Variants in UNKL observed in about 807,000 individuals in gnomAD.
UNKL encodes unk like zinc finger, also known as putative E3 ubiquitin-protein ligase UNKL.
Under a neutral mutation model 78.0 loss-of-function variants are expected in UNKL, and 60 were observed. The observed-to-expected ratio is 0.77, with a 90% CI of 0.63 to 0.95. The LOEUF (loss-of-function observed/expected upper bound fraction) is 0.95, where lower values mean the gene tolerates loss of function less well. Ranked by LOEUF, UNKL falls within the 40% of genes least tolerant of loss-of-function variation. UNKL has a pLI of 0.00. For missense variants in UNKL, 1,159 were observed against 1,045.7 expected (o/e 1.11, Z -1.49); for synonymous variants, 608 against 474.8 (o/e 1.28, Z -3.65).
chr16:1,409,157 C>T (rs1327663144), intron 2 of UNKL, among the ~76,000 whole-genome samples: 1 of 152,162 alleles, frequency 6.6e-6, no homozygotes, highest in Non-Finnish European at 1.5e-5. Flanking sequence ...CGTGATCTGC[C>T]CGCCTCGGCC....
At chr16:1,368,980 C>G (rs1431123592) in intron 12 of UNKL, among the ~76,000 whole-genome samples, 2 of 151,316 alleles carry the variant, frequency 1.3e-5, no homozygotes, top group Non-Finnish European at 2.9e-5. Context: ...CCCCTGGCCT[C>G]AAGTGACCAC....
intron 10 of UNKL, among the ~76,000 whole-genome samples, chr16:1,376,022 T>C (rs1270902658): frequency 6.6e-6 from 1 of 152,152 alleles, no homozygotes; most frequent in African/African-American, 2.4e-5. Context: ...CTTGGACAGG[T>C]GGCTCCAAGG....
At chr16:1,388,684 A>G (rs907669112) in intron 9 of UNKL, among the ~76,000 whole-genome samples, 1 of 152,084 alleles carries the variant, frequency 6.6e-6, no homozygotes, top group Non-Finnish European at 1.5e-5. Flanking sequence ...GGGCACAGTG[A>G]GAGGGGTCAG....
intron 13 of UNKL, 129 bp from the exon 14 acceptor site, chr16:1,367,478 C>T: frequency 1.8e-6 from 2 of 1,119,614 alleles, no homozygotes; most frequent in South Asian, 3.3e-5. Flanking sequence ...CCTGAGACCC[C>T]TGCGGCCCTC....
chr16:1,368,555 T>C (rs974586374), intron 12 of UNKL, among the ~76,000 whole-genome samples: 4 of 137,150 alleles, frequency 2.9e-5, no homozygotes, highest in East Asian at 4.2e-4. Flanking sequence ...TGAGCCGAGA[T>C]TGCGCCACTG....
At chr16:1,366,544 G>A in intron 14 of UNKL, 149 bp from the exon 15 acceptor site, 1 of 1,042,224 alleles carries the variant, frequency 9.6e-7, no homozygotes, top group Non-Finnish European at 1.3e-6. Flanking sequence ...CCCCAGCCAG[G>A]GCCACCTCAG....
chr16:1,375,455 G>A (rs886567991), intron 10 of UNKL, among the ~76,000 whole-genome samples: 9 of 152,212 alleles, frequency 5.9e-5, no homozygotes, highest in African/African-American at 2.2e-4. Flanking sequence ...GGGGCGTGGA[G>A]GCCGGGCTGT....
intron 11 of UNKL, 113 bp from the exon 12 acceptor site, chr16:1,370,470 T>A: frequency 1.9e-6 from 2 of 1,026,292 alleles, no homozygotes; most frequent in Non-Finnish European, 2.7e-6. Flanking sequence ...GGTGGGGATA[T>A]GGGGGGTGGG....
rs112311759 is a variant in UNKL, at chr16:1,384,300, G to A, written c.1264+908C>T. Among the ~76,000 whole-genome samples, 255 of 151,826 alleles carry A rather than the reference G, an allele frequency of 1.7e-3. 3 individuals are homozygous for A. Among genetic ancestry groups the A allele is most frequent in the African/African-American group, 5.3e-3 (220 of 41,404 alleles). On this transcript the variant is annotated intron_variant, in intron 10 of 14. Transcript: ENST00000389221. Reference sequence around the variant, plus strand: ...CGGCCTTTCCCCAGGGGCTGAAAGGGACCAAGGACACACACAGCCCAGCTC... The same window carrying A: ...CGGCCTTTCCCCAGGGGCTGAAAGGAACCAAGGACACACACAGCCCAGCTC...
chr16:1,385,497 G>A, intron 9 of UNKL, 112 bp from the exon 10 acceptor site: 2 of 1,144,126 alleles, frequency 1.7e-6, no homozygotes, highest in Non-Finnish European at 2.2e-6. Context: ...CTACGCCCTG[G>A]CGAGGCCCAG....
Position 1,397,243 on chromosome 16 carries a change from G to T in UNKL, c.787C>A (p.Arg263Ser). 1.3e-6 allele frequency: 2 copies of T among 1,543,118 alleles called. No individual in the cohort carries two copies. The highest frequency in any genetic ancestry group is 4.9e-5 in the East Asian group (2 of 40,920). Reference sequence around the variant, plus strand: ...TGGCAGCCGTCGCCGCCATCGCAGCGTGAGGGTTCCCCCCACTCATCCCCG... The same window carrying T: ...TGGCAGCCGTCGCCGCCATCGCAGCTTGAGGGTTCCCCCCACTCATCCCCG... ...KHGDEWGEPS[R>S]CDGGDGCQYC... The change falls in exon 6 of 15, where the codon CGC (arginine) becomes AGC (serine). Residue 263 changes from arginine to serine, a missense_variant. Arg to Ser is a moderately radical substitution (Grantham distance 110). Transcript: ENST00000389221.
intron 12 of UNKL, among the ~76,000 whole-genome samples, chr16:1,369,481 T>C (rs1318393758): frequency 6.6e-6 from 1 of 152,012 alleles, no homozygotes; most frequent in East Asian, 1.9e-4. Flanking sequence ...GCAATTCTCC[T>C]GCCTCAGCCT....
At chr16:1,382,071 C>A (rs1034268876) in intron 10 of UNKL, among the ~76,000 whole-genome samples, 1 of 152,238 alleles carries the variant, frequency 6.6e-6, no homozygotes, top group African/African-American at 2.4e-5. Context: ...ATATTCAACT[C>A]ATGAGACCTC....
chr16:1,366,905 A>AGG (rs372103430), intron 14 of UNKL, among the ~76,000 whole-genome samples, 187 bp downstream of exon 14: 3 of 152,084 alleles, frequency 2.0e-5, no homozygotes, highest in Non-Finnish European at 4.4e-5. Flanking sequence ...GGCGGCTCCC[A>AGG]GGGAGACAGG....
chr16:1,403,452 C>A lies in UNKL; in HGVS notation c.288-108G>T. 7.7e-7 allele frequency: 1 copy of A among 1,302,160 alleles called. No individual in the cohort carries two copies. The highest frequency in any genetic ancestry group is 1.0e-6 in the Non-Finnish European group (1 of 954,228). The allele number at this position is 1,302,160 out of a possible 1,614,324, so 80.7% of individuals were successfully genotyped here. On this transcript the variant is annotated intron_variant, in intron 2 of 14. Coordinates refer to ENST00000389221, the MANE Select transcript of UNKL (RefSeq NM_001372107.1). This position sits in a 1 kb window ranked among gnomAD's most constrained non-coding sequence, Gnocchi z 4.8. ...CACGTGGCAAGCAGTGAATTCCCTTCCCTTCTTCCAGATTCCTGTTCTAAT... is the reference window on the plus strand; with the variant it reads ...CACGTGGCAAGCAGTGAATTCCCTTACCTTCTTCCAGATTCCTGTTCTAAT...
intron 2 of UNKL, chr16:1,412,277 AAATC>A (rs1438504073): frequency 1.3e-5 from 2 of 152,252 alleles, no homozygotes; most frequent in African/African-American, 4.8e-5. Context: ...AAAAAGAAAA[AAATC>A]AACCAAAACA....
At chr16:1,410,633 G>T (rs2037998282) in intron 2 of UNKL, among the ~76,000 whole-genome samples, 1 of 152,130 alleles carries the variant, frequency 6.6e-6, no homozygotes, top group South Asian at 2.1e-4. Flanking sequence ...ACTGGAGTGG[G>T]GTCAGACAGG....
chr16:1,366,836 G>C (rs1280599922), intron 14 of UNKL, among the ~76,000 whole-genome samples: 1 of 150,944 alleles, frequency 6.6e-6, no homozygotes, highest in East Asian at 1.9e-4. Context: ...ACGGGGAGCA[G>C]TGTGGCATTC....
At chr16:1,374,289 TG>T (rs2142000937) in intron 10 of UNKL, among the ~76,000 whole-genome samples, 1 of 152,292 alleles carries the variant, frequency 6.6e-6, no homozygotes, top group South Asian at 2.1e-4. Context: ...GGGTCTCTCC[TG>T]GGGGGCCCTG....
Sources: allele counts gnomAD v4.1 joint callset (sites outside exome capture counted in the v4.1 genomes callset), GRCh38; gene constraint gnomAD v4.1.1; non-coding constraint Gnocchi (gnomAD v3.1); transcripts MANE v1.5; gene names NCBI Gene and HGNC (gene_info 2026-07-23, HGNC 2026-07-21).